Variants in MARK1 observed in about 807,000 individuals in gnomAD.
MARK1 encodes serine/threonine-protein kinase MARK1.
Under a neutral mutation model 96.3 loss-of-function variants are expected in MARK1, and 40 were observed. The ratio of observed to expected loss-of-function variants is 0.42; its 90% CI spans 0.32 to 0.54. The LOEUF is 0.54. Among genes scored for constraint, MARK1 ranks in the 20% least tolerant of loss-of-function variants. MARK1 has a pLI of 0.16. For synonymous variants in MARK1, 317 were observed against 341.2 expected (o/e 0.93, Z 0.78); for missense variants, 719 against 984.6 (o/e 0.73, Z 3.61).
intron 1 of MARK1, among the ~76,000 whole-genome samples, chr1:220,540,842 T>C (rs150016431): frequency 9.2e-5 from 14 of 152,320 alleles, no homozygotes; most frequent in African/African-American, 3.4e-4. Context: ...CTAATCTTTT[T>C]TATTTCCTTT....
chr1:220,599,274 G>A (rs767006331), intron 4 of MARK1, among the ~76,000 whole-genome samples: 57 of 151,016 alleles, frequency 3.8e-4, no homozygotes, highest in Admixed American at 1.4e-3. Context: ...ACTTTTTTTT[G>A]CACATTTAAA....
At chr1:220,596,607 T>TCTCC (rs1665373996) in intron 3 of MARK1, among the ~76,000 whole-genome samples, 2 of 152,142 alleles carry the variant, frequency 1.3e-5, no homozygotes, top group Non-Finnish European at 2.9e-5. Context: ...AAGCAAGCTT[T>TCTCC]TTTGTAGGAG....
chr1:220,565,713 T>G (rs1663002115), intron 1 of MARK1, among the ~76,000 whole-genome samples: 1 of 152,164 alleles, frequency 6.6e-6, no homozygotes, highest in Non-Finnish European at 1.5e-5. Flanking sequence ...TTGATGAGAT[T>G]TTTCCTTGTC....
chr1:220,612,619 C>T (rs1473561004), intron 6 of MARK1, among the ~76,000 whole-genome samples: 2 of 151,990 alleles, frequency 1.3e-5, no homozygotes, highest in African/African-American at 2.4e-5. Context: ...CACACACATA[C>T]ATTATTTTGT....
In MARK1 at chr1:220,664,341, G is replaced by C. The variant is rs979137802; in HGVS notation, c.*2175G>C. The C allele has an allele frequency of 1.3e-5, 2 of 152,240 alleles. No homozygotes were observed. Among genetic ancestry groups the C allele is most frequent in the East Asian group, 3.9e-4 (2 of 5,188 alleles). The allele number at this position is 152,240 out of a possible 1,614,324, so 9.4% of individuals were successfully genotyped here. On this transcript the variant is annotated 3_prime_UTR_variant, in exon 18 of 18. Transcript: ENST00000366917. The stretch of plus-strand genomic sequence containing the variant: ...AAGATTTAGAGGAATTTTGCAATGT[G>C]TTTGCATAAATAAATACCAGTTTAT...
intron 1 of MARK1, among the ~76,000 whole-genome samples, chr1:220,538,608 A>G (rs1660893651): frequency 6.6e-6 from 1 of 151,088 alleles, no homozygotes; most frequent in South Asian, 2.1e-4. Context: ...TTCTGTGAAG[A>G]AAGTCATTGG....
chr1:220,545,227 C>A (rs558017878), intron 1 of MARK1, among the ~76,000 whole-genome samples: 1 of 152,172 alleles, frequency 6.6e-6, no homozygotes, highest in Admixed American at 6.5e-5. Context: ...GAGAACATCA[C>A]CCTGAAGAGG....
intron 1 of MARK1, among the ~76,000 whole-genome samples, chr1:220,545,451 T>G (rs961746592): frequency 2.0e-5 from 3 of 147,666 alleles, no homozygotes; most frequent in South Asian, 2.2e-4. Context: ...TTTTTTTTTT[T>G]TTTTTTTTTT....
intron 1 of MARK1, among the ~76,000 whole-genome samples, chr1:220,546,056 T>G (rs1219128325): frequency 6.6e-6 from 1 of 152,178 alleles, no homozygotes; most frequent in East Asian, 1.9e-4. Context: ...CCTTGGCCTG[T>G]CATTTGCAAG....
chr1:220,653,960 C>G (rs1669038003), intron 16 of MARK1, among the ~76,000 whole-genome samples: 2 of 152,196 alleles, frequency 1.3e-5, no homozygotes, highest in Admixed American at 6.5e-5. Flanking sequence ...ATTGATGATA[C>G]AAGTTGCTAC....
chr1:220,648,457 A>G (rs907282943), intron 13 of MARK1, among the ~76,000 whole-genome samples: 2 of 152,222 alleles, frequency 1.3e-5, no homozygotes, highest in East Asian at 3.9e-4. Flanking sequence ...TAACTTTTGC[A>G]TAATTGTATC....
In MARK1 at chr1:220,541,417, C is replaced by T. The variant is rs60387060; in HGVS notation, c.51+12544C>T. On this transcript the variant is annotated intron_variant, in intron 1 of 17. Coordinates refer to ENST00000366917, the MANE Select transcript of MARK1 (RefSeq NM_018650.5). ...TTGGGTGGAATGCTCTGTATGTCTA[C>T]GTGTCCGTTAGGTCAATTTGTTCTA... is the stretch of plus-strand genomic sequence containing the variant. 3.7e-3 allele frequency among the ~76,000 whole-genome samples: 564 copies of T among 152,250 alleles called. 5 individuals carry two copies. Among genetic ancestry groups the T allele is most frequent in the African/African-American group, 0.013 (525 of 41,558 alleles).
chr1:220,567,383 G>A (rs113545111), intron 1 of MARK1, among the ~76,000 whole-genome samples: 15 of 152,194 alleles, frequency 9.9e-5, no homozygotes, highest in African/African-American at 3.6e-4. Context: ...GGCTCATGGA[G>A]TAAATACTAA....
intron 1 of MARK1, among the ~76,000 whole-genome samples, chr1:220,549,088 G>C (rs894174082): frequency 7.9e-5 from 12 of 152,116 alleles, no homozygotes; most frequent in Non-Finnish European, 1.6e-4. Context: ...GTGCTTGTGT[G>C]GGGAATAGGG....
chr1:220,659,172 G>A (rs572594009), intron 17 of MARK1, among the ~76,000 whole-genome samples: 3 of 152,200 alleles, frequency 2.0e-5, no homozygotes, highest in East Asian at 3.9e-4. Context: ...TTTGGTTGTT[G>A]TTGGGTTTGG....
intron 1 of MARK1, among the ~76,000 whole-genome samples, chr1:220,551,652 G>A (rs1278399079): frequency 6.6e-6 from 1 of 151,950 alleles, no homozygotes; most frequent in East Asian, 1.9e-4. Context: ...GTTAGCTAAT[G>A]TTAACACTTT....
intron 3 of MARK1, among the ~76,000 whole-genome samples, chr1:220,589,722 T>C (rs1373942323): frequency 6.6e-6 from 1 of 152,238 alleles, no homozygotes; most frequent in East Asian, 1.9e-4. Flanking sequence ...AGGGGAATAG[T>C]AAATTCAGAG....
chr1:220,542,816 TATC>T (rs1187688284), intron 1 of MARK1, among the ~76,000 whole-genome samples: 3 of 152,224 alleles, frequency 2.0e-5, no homozygotes, highest in Non-Finnish European at 2.9e-5. Context: ...CCCCTTATGA[TATC>T]ATGCCTACTG....
intron 9 of MARK1, among the ~76,000 whole-genome samples, chr1:220,623,665 C>G (rs1187628772): frequency 6.6e-6 from 1 of 152,190 alleles, no homozygotes; most frequent in Non-Finnish European, 1.5e-5. Context: ...CTTTTTCTGA[C>G]TCAGCCTAGC....
Sources: gnomAD v4.1 joint callset for allele counts (sites outside exome capture counted in the v4.1 genomes callset) on GRCh38, gnomAD v4.1.1 for gene constraint, MANE v1.5 for transcripts, NCBI Gene and HGNC (gene_info 2026-07-23, HGNC 2026-07-21) for gene names.